The following MPP7 variants were observed in gnomAD, a reference collection of about 807,000 sequenced individuals.
MPP7 encodes MAGUK p55 scaffold protein 7.
MPP7 carries 60 observed loss-of-function variants against 76.5 expected under a neutral mutation model. That is an observed-to-expected ratio of 0.78 (90% CI 0.64 to 0.97). The LOEUF (loss-of-function observed/expected upper bound fraction) is 0.97. MPP7 is among the 50% of genes least tolerant of loss of function. The pLI, the probability that MPP7 is intolerant of heterozygous loss-of-function variation, is 0.00. For missense variants in MPP7, 641 were observed against 694.0 expected, an observed-to-expected ratio of 0.92 and a Z score of 0.86; for synonymous variants, 237 against 244.5, an observed-to-expected ratio of 0.97 and a Z score of 0.29.
chr10:28,137,598 T>C (rs1377820766), intron 5 of MPP7, among the ~76,000 whole-genome samples: 1 of 152,260 alleles, frequency 6.6e-6, no homozygotes, highest in Non-Finnish European at 1.5e-5. Flanking sequence ...GGCATTAAGT[T>C]TGTAATTTTT....
At chr10:28,127,429 G>A (rs1446804891) in intron 6 of MPP7, among the ~76,000 whole-genome samples, 1 of 152,210 alleles carries the variant, frequency 6.6e-6, no homozygotes, top group Non-Finnish European at 1.5e-5. Flanking sequence ...ATAAAGACAT[G>A]CCTGAGACTG....
intron 2 of MPP7, among the ~76,000 whole-genome samples, chr10:28,219,464 C>T (rs1340415480): frequency 6.6e-6 from 1 of 152,060 alleles, no homozygotes; most frequent in Non-Finnish European, 1.5e-5. Context: ...TACTGTTAGT[C>T]TAGAGAAATT....
chr10:28,071,604 T>G (rs1852243548), intron 12 of MPP7, among the ~76,000 whole-genome samples: 1 of 152,192 alleles, frequency 6.6e-6, no homozygotes, highest in African/African-American at 2.4e-5. Context: ...TAATTCTCCC[T>G]TCCAAATTAA....
At chr10:28,062,393 T>C (rs1468769071) in intron 13 of MPP7, among the ~76,000 whole-genome samples, 1 of 151,376 alleles carries the variant, frequency 6.6e-6, no homozygotes, top group South Asian at 2.1e-4. Flanking sequence ...AACAAGTAGA[T>C]TAAAATGGAA....
intron 2 of MPP7, among the ~76,000 whole-genome samples, chr10:28,313,063 C>G (rs1470493637): frequency 6.6e-6 from 1 of 152,184 alleles, no homozygotes; most frequent in East Asian, 1.9e-4. Flanking sequence ...GGGACTCTTT[C>G]ACTTAATTGT....
chr10:28,102,528 G>A (rs1853873264), intron 11 of MPP7, among the ~76,000 whole-genome samples: 2 of 152,056 alleles, frequency 1.3e-5, no homozygotes, highest in African/African-American at 2.4e-5. Context: ...ATAAAAATTG[G>A]CATTTAAATC....
intron 2 of MPP7, among the ~76,000 whole-genome samples, chr10:28,227,493 T>G (rs1314009642): frequency 1.3e-5 from 2 of 150,890 alleles, no homozygotes; most frequent in African/African-American, 2.4e-5. Context: ...CAGGCTCCAG[T>G]GTGTGATGTT....
chr10:28,099,592 G>A (rs1853720617), intron 11 of MPP7, among the ~76,000 whole-genome samples: 1 of 152,116 alleles, frequency 6.6e-6, no homozygotes, highest in Admixed American at 6.5e-5. Context: ...ATCACCTGAG[G>A]TCGGGAGTTC....
At chr10:28,203,391 G>A (rs1470382208) in intron 2 of MPP7, among the ~76,000 whole-genome samples, 1 of 151,300 alleles carries the variant, frequency 6.6e-6, no homozygotes, top group Non-Finnish European at 1.5e-5. Flanking sequence ...TACAACCAAA[G>A]GCATTAGGTA....
At chr10:28,294,217 G>A (rs1038696689) in intron 1 of MPP7, among the ~76,000 whole-genome samples, 8 of 152,366 alleles carry the variant, frequency 5.3e-5, no homozygotes, top group African/African-American at 1.9e-4. Flanking sequence ...TGAGGCAGGA[G>A]AATGGCGTGA....
chr10:28,067,501 A>G (rs1852039364), intron 13 of MPP7, among the ~76,000 whole-genome samples: 1 of 152,222 alleles, frequency 6.6e-6, no homozygotes, highest in Non-Finnish European at 1.5e-5. Context: ...AAACATTACT[A>G]TATGAAGACA....
chr10:28,287,654 G>A (rs1298964221), intron 1 of MPP7, among the ~76,000 whole-genome samples: 1 of 152,146 alleles, frequency 6.6e-6, no homozygotes, highest in Non-Finnish European at 1.5e-5. Context: ...TTGATTATAT[G>A]CAGGTTTTTG....
At chr10:28,240,172 TTCTC>T (rs938229875) in intron 1 of MPP7, among the ~76,000 whole-genome samples, 4 of 152,140 alleles carry the variant, frequency 2.6e-5, no homozygotes, top group African/African-American at 9.7e-5. Flanking sequence ...CTTTCCTCAA[TTCTC>T]TATAAAGCAA....
At chr10:28,094,927 C>T (rs1853490746) in intron 11 of MPP7, among the ~76,000 whole-genome samples, 1 of 151,848 alleles carries the variant, frequency 6.6e-6, no homozygotes, top group African/African-American at 2.4e-5. Context: ...TGCACTCCAG[C>T]CTGGGCAACA....
intron 3 of MPP7, among the ~76,000 whole-genome samples, chr10:28,168,698 T>G (rs1378867089): frequency 1.3e-5 from 2 of 152,088 alleles, no homozygotes; most frequent in Non-Finnish European, 2.9e-5. Context: ...TTTTGTATTT[T>G]TAGTAAACAC....
intron 5 of MPP7, among the ~76,000 whole-genome samples, chr10:28,137,004 C>G (rs1414561080): frequency 6.6e-6 from 1 of 152,038 alleles, no homozygotes; most frequent in Non-Finnish European, 1.5e-5. Flanking sequence ...TCAAGAAGCT[C>G]AATGTACCCA....
chr10:28,147,583 G>A lies in MPP7; in HGVS notation c.235-20C>T. ...GGCCAGCTGCAACGGAGATTACATT[G>A]ACTTAAAGAACATTTAGTAAGAGCA... On this transcript the variant is annotated intron_variant, in intron 4 of 16. Coordinates refer to ENST00000683449, the MANE Select transcript of MPP7 (RefSeq NM_001318170.2). 1 of 1,608,596 alleles carries A rather than the reference G, an allele frequency of 6.2e-7. No individual in the cohort carries two copies. Among genetic ancestry groups the A allele is most frequent in the Middle Eastern group, 1.7e-4 (1 of 6,054 alleles).
In MPP7 at chr10:28,315,247, G is replaced by A. The variant is rs186629018; in HGVS notation, c.-132+14682C>T. ...AGGGAGGGAGGGAGGAAGGGAGAAA[G>A]GAAGGAAGGGAGGGAGGGAAAAGAA... On this transcript the variant is annotated intron_variant, in intron 2 of 11. Transcript: ENST00000441595. Among the ~76,000 whole-genome samples, 70 of 140,582 alleles carry A rather than the reference G, an allele frequency of 5.0e-4. 1 individual carries two copies. Among genetic ancestry groups the A allele is most frequent in the Non-Finnish European group, 7.7e-4 (49 of 63,326 alleles). 92.2% of individuals were successfully genotyped at this position (140,582 alleles called of 152,430 possible). A position where few individuals can be genotyped will look rare whatever the true frequency, so the allele number is the denominator to read the frequency against.
At chr10:28,224,921 T>C (rs138078650) in intron 2 of MPP7, among the ~76,000 whole-genome samples, 5 of 152,336 alleles carry the variant, frequency 3.3e-5, no homozygotes, top group African/African-American at 1.2e-4. Flanking sequence ...CACTCTCCCC[T>C]ATCCCCAGTG....
Sources: gnomAD v4.1 joint callset for allele counts (sites outside exome capture counted in the v4.1 genomes callset) on GRCh38, gnomAD v4.1.1 for gene constraint, MANE v1.5 for transcripts, NCBI Gene and HGNC (gene_info 2026-07-23, HGNC 2026-07-21) for gene names.